CACNB4: variants seen among roughly 807,000 people sequenced by gnomAD.
CACNB4 encodes calcium voltage-gated channel auxiliary subunit beta 4, also known as voltage-dependent L-type calcium channel subunit beta-4.
In CACNB4, 32 loss-of-function variants were observed where a neutral mutation model predicts 71.2. The ratio of observed to expected loss-of-function variants is 0.45; its 90% confidence interval spans 0.34 to 0.60. CACNB4 has a LOEUF of 0.60. Among genes scored for constraint, CACNB4 ranks in the 20% least tolerant of loss-of-function variants. CACNB4 has a pLI of 0.01. For missense variants in CACNB4, 464 were observed against 647.9 expected, an observed-to-expected ratio of 0.72 and a Z score of 3.08; for synonymous variants, 231 against 236.9, an observed-to-expected ratio of 0.97 and a Z score of 0.23.
chr2:151,950,260 C>T (rs900556859), intron 2 of CACNB4, among the ~76,000 whole-genome samples: 2 of 151,976 alleles, frequency 1.3e-5, no homozygotes, highest in African/African-American at 4.8e-5. Context: ...TCAATAAAGG[C>T]ATCCTAATGT....
chr2:151,886,065 G>C (rs747492239), intron 2 of CACNB4, among the ~76,000 whole-genome samples: 1 of 151,852 alleles, frequency 6.6e-6, no homozygotes, highest in Non-Finnish European at 1.5e-5. Context: ...TTCCTGCCTC[G>C]GCCTCCCAAA....
chr2:151,881,439 T>C (rs2151445442), intron 3 of CACNB4, among the ~76,000 whole-genome samples: 1 of 152,322 alleles, frequency 6.6e-6, no homozygotes, highest in East Asian at 1.9e-4. Flanking sequence ...TCAAAGCTGA[T>C]GGGCAGGGCT....
intron 2 of CACNB4, among the ~76,000 whole-genome samples, chr2:152,052,869 C>T (rs940660889): frequency 6.6e-6 from 1 of 151,926 alleles, no homozygotes; most frequent in Non-Finnish European, 1.5e-5. Context: ...GTAGTCTCAG[C>T]TACTTGGGAG....
intron 9 of CACNB4, among the ~76,000 whole-genome samples, chr2:151,865,457 G>C (rs1044003524): frequency 3.9e-4 from 59 of 152,304 alleles, no homozygotes; most frequent in African/African-American, 1.4e-3. Context: ...ATGTCACAGA[G>C]TTGATCTGAT....
intron 2 of CACNB4, among the ~76,000 whole-genome samples, chr2:152,027,160 C>T (rs1684026009): frequency 1.3e-5 from 2 of 152,174 alleles, no homozygotes; most frequent in Non-Finnish European, 2.9e-5. Context: ...ACCTCAGCCT[C>T]CCAAAGTGTT....
intron 2 of CACNB4, among the ~76,000 whole-genome samples, chr2:151,925,439 T>C (rs1296846922): frequency 6.6e-6 from 1 of 152,212 alleles, no homozygotes; most frequent in Non-Finnish European, 1.5e-5. Context: ...TTTCTATGGG[T>C]ACCAAACCTA....
At chr2:151,998,366 A>G (rs2151774511) in intron 2 of CACNB4, among the ~76,000 whole-genome samples, 1 of 151,966 alleles carries the variant, frequency 6.6e-6, no homozygotes, top group Non-Finnish European at 1.5e-5. Context: ...TAAATTATGT[A>G]AACTGGAAAA....
chr2:151,869,575 G>A lies in CACNB4; in HGVS notation c.700-340C>T, dbSNP rs4146378. Reference sequence around the variant, plus strand: ...CACAGGTGCCGGGTATCCTTGGCACGCCTGAGTTGTGCCTGCCTCCAGTGA... The same window carrying A: ...CACAGGTGCCGGGTATCCTTGGCACACCTGAGTTGTGCCTGCCTCCAGTGA... On this transcript the variant is annotated intron_variant, in intron 8 of 13. Transcript: ENST00000539935. 148 of 200,910 alleles carry A rather than the reference G, an allele frequency of 7.4e-4. 1 individual carries two copies. The East Asian group carries it at 0.017, about 23-fold the overall frequency. The allele number at this position is 200,910 out of a possible 1,614,324, so 12.4% of individuals were successfully genotyped here.
intron 10 of CACNB4, chr2:151,859,264 C>T (rs1416337009): frequency 6.6e-6 from 1 of 152,230 alleles, no homozygotes; most frequent in African/African-American, 2.4e-5. Context: ...CTGACTCTGA[C>T]AGCAGGTGAA....
At chr2:152,039,665 T>G (rs886941004) in intron 2 of CACNB4, among the ~76,000 whole-genome samples, 2 of 152,242 alleles carry the variant, frequency 1.3e-5, no homozygotes, top group African/African-American at 2.4e-5. Flanking sequence ...ACATGAGTGA[T>G]CACTCTGTGC....
At chr2:151,896,797 TAA>T (rs1337479286) in intron 2 of CACNB4, among the ~76,000 whole-genome samples, 4 of 152,214 alleles carry the variant, frequency 2.6e-5, no homozygotes, top group Non-Finnish European at 5.9e-5. Context: ...TTGATTGGAA[TAA>T]AACAGCACTT....
At chr2:151,988,343 A>G (rs1408655174) in intron 2 of CACNB4, among the ~76,000 whole-genome samples, 2 of 152,026 alleles carry the variant, frequency 1.3e-5, no homozygotes, top group Admixed American at 6.6e-5. Flanking sequence ...AATGCCTCCA[A>G]TTTTACCTCA....
chr2:152,033,666 G>A (rs1185126642), intron 2 of CACNB4, among the ~76,000 whole-genome samples: 3 of 151,868 alleles, frequency 2.0e-5, no homozygotes, highest in African/African-American at 4.8e-5. Flanking sequence ...CCAAACTTGG[G>A]GAAAAAAAAT....
chr2:152,010,507 T>C (rs1682995097), intron 2 of CACNB4, among the ~76,000 whole-genome samples: 1 of 152,172 alleles, frequency 6.6e-6, no homozygotes, highest in South Asian at 2.1e-4. Flanking sequence ...AAGGCAAATA[T>C]TTACTGAGAA....
At chr2:152,068,290 C>A (rs903826876) in intron 2 of CACNB4, among the ~76,000 whole-genome samples, 1 of 152,116 alleles carries the variant, frequency 6.6e-6, no homozygotes, top group Non-Finnish European at 1.5e-5. Flanking sequence ...GCCTAGAGAC[C>A]CTGCAAAGTC....
intron 2 of CACNB4, among the ~76,000 whole-genome samples, chr2:152,016,265 A>T (rs112701628): frequency 6.7e-4 from 102 of 152,336 alleles, no homozygotes; most frequent in African/African-American, 2.3e-3. Context: ...AAAAAGACAA[A>T]AGTTCCATTT....
At chr2:151,862,458 G>A (rs1437869586) in intron 9 of CACNB4, among the ~76,000 whole-genome samples, 1 of 152,146 alleles carries the variant, frequency 6.6e-6, no homozygotes, top group Non-Finnish European at 1.5e-5. Flanking sequence ...TTTTAGAACT[G>A]TTAGACCCTT....
At chr2:151,901,822 T>C (rs2099853503) in intron 2 of CACNB4, among the ~76,000 whole-genome samples, 1 of 152,196 alleles carries the variant, frequency 6.6e-6, no homozygotes, top group Non-Finnish European at 1.5e-5. Flanking sequence ...AATCATTGTT[T>C]TACCAAAGAA....
chr2:151,841,930 T>C lies in CACNB4; in HGVS notation c.1275A>G (p.Pro425=). 1.2e-6 allele frequency: 2 copies of C among 1,613,890 alleles called. No individual in the cohort carries two copies. Among genetic ancestry groups the C allele is most frequent in the African/African-American group, 1.3e-5 (1 of 75,018 alleles). ...GTAACCCAGAAATTGCTGTGGGATA[T>C]GGTGAGAGTGCCGTGGAGCCCAAAT... ...GRNLGSTALS[P]YPTAISGLQS... is the part of the protein sequence containing the mutation. The change falls in exon 13 of 14, where the codon CCA becomes CCG. Residue 425 remains proline (P), a synonymous_variant. Coordinates refer to ENST00000539935, the MANE Select transcript of CACNB4 (RefSeq NM_000726.5).
Sources: gnomAD v4.1 joint callset for allele counts (sites outside exome capture counted in the v4.1 genomes callset) on GRCh38, gnomAD v4.1.1 for gene constraint, MANE v1.5 for transcripts, NCBI Gene and HGNC (gene_info 2026-07-23, HGNC 2026-07-21) for gene names.